PTH2R: variants seen among roughly 807,000 people sequenced by gnomAD.
PTH2R encodes PTH2 receptor.
Under a neutral mutation model 60.3 loss-of-function variants are expected in PTH2R, and 59 were observed. That is an observed-to-expected ratio of 0.98 (90% CI 0.79 to 1.22). PTH2R has a LOEUF of 1.22. Among genes scored for constraint, PTH2R ranks in the 50% most tolerant of loss-of-function variants. The probability of loss-of-function intolerance (pLI) is 0.00; values close to 1 mark genes in which losing one functional copy is unlikely to be tolerated. For synonymous variants in PTH2R, 256 were observed against 243.8 expected, an observed-to-expected ratio of 1.05 and a Z score of -0.47; for missense variants, 749 against 682.6, an observed-to-expected ratio of 1.10 and a Z score of -1.08.
chr2:208,394,531 T>C (rs1701169488), intron 1 of PTH2R, among the ~76,000 whole-genome samples: 2 of 152,366 alleles, frequency 1.3e-5, no homozygotes, highest in Admixed American at 1.3e-4. Context: ...CTCTAAGCCA[T>C]GGCACCAGAG....
At chr2:208,444,672 A>T in intron 6 of PTH2R, 62 bp from the exon 7 acceptor site, 1 of 1,501,382 alleles carries the variant, frequency 6.7e-7, no homozygotes, top group Non-Finnish European at 9.1e-7. Context: ...TAGTGGTCTA[A>T]TGTTGGCATC....
intron 1 of PTH2R, among the ~76,000 whole-genome samples, chr2:208,409,011 C>T (rs1057433807): frequency 2.6e-5 from 4 of 152,126 alleles, no homozygotes; most frequent in African/African-American, 9.7e-5. Context: ...AGTAGCCCCC[C>T]TCCCCCTAAC....
intron 1 of PTH2R, chr2:208,361,298 G>C: frequency 6.5e-6 from 1 of 153,322 alleles, no homozygotes; most frequent in Non-Finnish European, 1.5e-5. Flanking sequence ...TGGTTGTTGA[G>C]GCAGATGGTG....
chr2:208,477,134 C>T (rs1030128072), intron 9 of PTH2R, among the ~76,000 whole-genome samples: 3 of 151,998 alleles, frequency 2.0e-5, no homozygotes, highest in African/African-American at 7.3e-5. Flanking sequence ...GATTAAACAC[C>T]AAGAACATTG....
At chr2:208,391,709 G>A (rs574041734) in intron 1 of PTH2R, among the ~76,000 whole-genome samples, 1 of 152,084 alleles carries the variant, frequency 6.6e-6, no homozygotes, top group African/African-American at 2.4e-5. Flanking sequence ...TTGCTTGAGA[G>A]TTTTGGGGAG....
chr2:208,465,388 CTTTTTTTTTTTTTTTTT>C (rs60871321), intron 9 of PTH2R, among the ~76,000 whole-genome samples: 3 of 39,904 alleles, frequency 7.5e-5, no homozygotes, highest in African/African-American at 1.1e-4. Flanking sequence ...ATTTGTAAGT[CTTTTTTTTTTTTTTTTT>C]TTTTTTTTTT....
At chr2:208,401,689 C>T (rs1701312749) in intron 1 of PTH2R, among the ~76,000 whole-genome samples, 1 of 152,110 alleles carries the variant, frequency 6.6e-6, no homozygotes, top group Non-Finnish European at 1.5e-5. Flanking sequence ...CTTCGAATGC[C>T]CTCTTCAGCA....
intron 1 of PTH2R, among the ~76,000 whole-genome samples, chr2:208,416,855 T>G (rs1308805970): frequency 4.6e-5 from 7 of 152,202 alleles, no homozygotes; most frequent in Non-Finnish European, 1.5e-5. Context: ...AACACTGGAC[T>G]CCAAGTTCTT....
intron 1 of PTH2R, among the ~76,000 whole-genome samples, chr2:208,369,207 AC>A (rs933927822): frequency 6.6e-6 from 1 of 152,146 alleles, no homozygotes; most frequent in South Asian, 2.1e-4. Context: ...GTGTTTCACA[AC>A]CTGTTTTACC....
intron 9 of PTH2R, among the ~76,000 whole-genome samples, chr2:208,472,394 C>T (rs1008284629): frequency 6.6e-6 from 1 of 152,204 alleles, no homozygotes; most frequent in African/African-American, 2.4e-5. Flanking sequence ...CAGTTCGCAA[C>T]AAGTTCCTCA....
intron 1 of PTH2R, among the ~76,000 whole-genome samples, chr2:208,379,690 TCTCTA>T (rs1222540920): frequency 6.6e-6 from 1 of 151,914 alleles, no homozygotes; most frequent in African/African-American, 2.4e-5. Context: ...TGAAACCCCA[TCTCTA>T]CTAAAAATAC....
intron 9 of PTH2R, among the ~76,000 whole-genome samples, chr2:208,462,679 C>T (rs1702657544): frequency 6.6e-6 from 1 of 152,156 alleles, no homozygotes. Context: ...AGGAAAAAAA[C>T]TAATTTAATA....
intron 9 of PTH2R, among the ~76,000 whole-genome samples, chr2:208,474,483 GA>G (rs1691699256): frequency 1.3e-5 from 2 of 152,324 alleles, no homozygotes; most frequent in South Asian, 4.1e-4. Context: ...AATTATAAAG[GA>G]AGACTAGAAA....
At chr2:208,463,476 G>A (rs1483496112) in intron 9 of PTH2R, among the ~76,000 whole-genome samples, 1 of 152,090 alleles carries the variant, frequency 6.6e-6, no homozygotes, top group Non-Finnish European at 1.5e-5. Flanking sequence ...GAGCGTGCAG[G>A]CTGAAATTTT....
intron 1 of PTH2R, among the ~76,000 whole-genome samples, chr2:208,388,749 A>G (rs910833948): frequency 2.0e-5 from 3 of 152,234 alleles, no homozygotes; most frequent in Non-Finnish European, 4.4e-5. Flanking sequence ...GTCAAAGACT[A>G]TGGCCAAACT....
chr2:208,435,568 A>G (rs1389873813), intron 2 of PTH2R, among the ~76,000 whole-genome samples: 2 of 152,198 alleles, frequency 1.3e-5, no homozygotes, highest in Non-Finnish European at 2.9e-5. Flanking sequence ...GACTTCGAAG[A>G]TGGAAGAAGG....
chr2:208,384,875 G>T (rs924255014), intron 1 of PTH2R, among the ~76,000 whole-genome samples: 9 of 152,086 alleles, frequency 5.9e-5, no homozygotes, highest in African/African-American at 1.9e-4. Context: ...TCATCTTTTT[G>T]CAGCGGTCCA....
intron 1 of PTH2R, among the ~76,000 whole-genome samples, chr2:208,389,812 TG>T (rs542192519): frequency 1.3e-5 from 2 of 149,920 alleles, no homozygotes; most frequent in Non-Finnish European, 3.0e-5. Flanking sequence ...TTTGCGGGGG[TG>T]GGGGGGTTGT....
At chr2:208,425,077 A>G (rs1399129032) in intron 1 of PTH2R, among the ~76,000 whole-genome samples, 1 of 152,194 alleles carries the variant, frequency 6.6e-6, no homozygotes, top group African/African-American at 2.4e-5. Context: ...CTCTAATGAA[A>G]AAACTAATGG....
Sources: gnomAD v4.1 joint callset for allele counts (sites outside exome capture counted in the v4.1 genomes callset) on GRCh38, gnomAD v4.1.1 for gene constraint, MANE v1.5 for transcripts, NCBI Gene and HGNC (gene_info 2026-07-23, HGNC 2026-07-21) for gene names.